Variants in A1CF observed in about 807,000 individuals in gnomAD.
A1CF encodes APOBEC-1 stimulating protein.
A1CF carries 48 observed loss-of-function variants against 68.9 expected under a neutral mutation model. That is an observed-to-expected ratio of 0.70 (90% CI 0.55 to 0.89). The LOEUF is 0.89. A1CF is among the 40% of genes least tolerant of loss of function. The pLI, the probability that A1CF is intolerant of heterozygous loss-of-function variation, is 0.00. For synonymous variants in A1CF, 272 were observed against 260.4 expected (o/e 1.04, Z -0.43); for missense variants, 653 against 718.9 (o/e 0.91, Z 1.05).
rs1385826584 is a variant in A1CF at position 50,810,032 on chromosome 10, T to C, written c.1471A>G (p.Thr491Ala). 6.2e-7 allele frequency: 1 copy of C among 1,613,724 alleles called. No homozygotes were observed. The highest frequency in any genetic ancestry group is 8.5e-7 in the Non-Finnish European group (1 of 1,179,790). Residue 491 changes from threonine (T) to alanine (A), a missense_variant, in exon 12 of 13, where the codon ACA (threonine) becomes GCA (alanine). Physicochemically the swap from Thr to Ala is moderately conservative, Grantham distance 58. Coordinates refer to ENST00000373997, the MANE Select transcript of A1CF (RefSeq NM_014576.4). ...ACAAAGGCACTCAGCTTTGGAGGTG[T>C]GAAAGGGTGGCTGGAAAGCAAGTCA... is the stretch of plus-strand genomic sequence containing the variant. ...ASQNPAIHPF[T>A]PPKLSAFVDE...
At chr10:50,861,672 ATAG>A (rs1480996466) in intron 2 of A1CF, among the ~76,000 whole-genome samples, 2 of 147,960 alleles carry the variant, frequency 1.4e-5, no homozygotes, top group African/African-American at 2.4e-5. Context: ...AGTATTACTA[ATAG>A]TAGTAATACC....
intron 7 of A1CF, chr10:50,824,587 A>C (rs548285260): frequency 1.3e-5 from 2 of 152,190 alleles, no homozygotes; most frequent in Admixed American, 1.3e-4. Context: ...ATTTTTCTGG[A>C]ATTTCTTAAA....
At chr10:50,819,568 A>T (rs1260256310) in intron 8 of A1CF, among the ~76,000 whole-genome samples, 1 of 152,020 alleles carries the variant, frequency 6.6e-6, no homozygotes, top group Non-Finnish European at 1.5e-5. Context: ...CCCCACTCGC[A>T]CTTTTGTAAT....
At chr10:50,809,188 C>T (rs935644968) in intron 12 of A1CF, among the ~76,000 whole-genome samples, 14 of 152,238 alleles carry the variant, frequency 9.2e-5, no homozygotes, top group Admixed American at 7.2e-4. Context: ...TGTTGATCCA[C>T]GGATAGGCTT....
intron 1 of A1CF, among the ~76,000 whole-genome samples, chr10:50,870,767 A>G (rs780547036): frequency 7.2e-5 from 11 of 151,850 alleles, no homozygotes; most frequent in Non-Finnish European, 1.5e-4. Context: ...AACTTCTGAA[A>G]TTATCTACAA....
chr10:50,850,643 A>C (rs1421293894), intron 3 of A1CF: 1 of 1,613,822 alleles, frequency 6.2e-7, no homozygotes, highest in Admixed American at 1.7e-5. Flanking sequence ...ATGCCAACTC[A>C]CTTCTAAGAC....
At chr10:50,841,818 T>C in intron 5 of A1CF, 44 bp downstream of exon 5, 1 of 1,605,108 alleles carries the variant, frequency 6.2e-7, no homozygotes, top group Non-Finnish European at 8.5e-7. Context: ...CAGACACAGG[T>C]GCATTGTTTG....
At chr10:50,870,964 A>G (rs961384238) in intron 1 of A1CF, among the ~76,000 whole-genome samples, 14 of 151,742 alleles carry the variant, frequency 9.2e-5, no homozygotes, top group African/African-American at 3.1e-4. Context: ...AATTCATTTC[A>G]CTGTTAAAAA....
chr10:50,850,629 T>A (rs1482664012), intron 3 of A1CF: 1 of 1,613,282 alleles, frequency 6.2e-7, no homozygotes, highest in Non-Finnish European at 8.5e-7. Context: ...AGAGAACGAG[T>A]AAAATGCCAA....
rs1307813535 is a variant in A1CF, at chr10:50,799,853, A to C, written c.*6876T>G. 6.6e-6 allele frequency: 1 copy of C among 152,154 alleles called. No individual in the cohort carries two copies. The highest frequency in any genetic ancestry group is 2.4e-5 in the African/African-American group (1 of 41,468). The allele number at this position is 152,154 out of a possible 1,614,324, so 9.4% of individuals were successfully genotyped here. On this transcript the variant is annotated 3_prime_UTR_variant, in exon 13 of 13. Transcript: ENST00000373997. The stretch of plus-strand genomic sequence containing the variant: ...AACAATATCGGGCTGTATTGCAGTC[A>C]GAAACATAGAAGAAAAGGAGAATTC...
chr10:50,846,484 G>T (rs1840005980), intron 3 of A1CF, among the ~76,000 whole-genome samples: 1 of 152,096 alleles, frequency 6.6e-6, no homozygotes, highest in African/African-American at 2.4e-5. Flanking sequence ...TTTGATGTCT[G>T]TAACATTCAA....
intron 1 of A1CF, among the ~76,000 whole-genome samples, chr10:50,875,464 G>A (rs1841467380): frequency 6.6e-6 from 1 of 152,180 alleles, no homozygotes; most frequent in Non-Finnish European, 1.5e-5. Flanking sequence ...CAGAGAGCAA[G>A]GAAATCTCTT....
chr10:50,831,841 C>T (rs1196737010), intron 6 of A1CF, among the ~76,000 whole-genome samples: 2 of 151,998 alleles, frequency 1.3e-5, no homozygotes, highest in Non-Finnish European at 2.9e-5. Context: ...AATCATCAGG[C>T]AAATATAAAT....
chr10:50,846,189 T>C (rs922356194), intron 3 of A1CF, among the ~76,000 whole-genome samples: 4 of 152,140 alleles, frequency 2.6e-5, no homozygotes, highest in Admixed American at 6.6e-5. Context: ...GTATACGAAA[T>C]CGTTAAAAGC....
At chr10:50,863,838 T>C (rs1840855220) in intron 2 of A1CF, among the ~76,000 whole-genome samples, 195 bp downstream of exon 2, 1 of 152,118 alleles carries the variant, frequency 6.6e-6, no homozygotes, top group African/African-American at 2.4e-5. Context: ...TTAACAATAA[T>C]TATATATTTT....
At chr10:50,871,206 A>C (rs1014740126) in intron 1 of A1CF, among the ~76,000 whole-genome samples, 1 of 151,890 alleles carries the variant, frequency 6.6e-6, no homozygotes, top group Non-Finnish European at 1.5e-5. Flanking sequence ...ATTGAAACTA[A>C]TGAAAGATTA....
chr10:50,824,026 G>A (rs1285157997), intron 7 of A1CF: 1 of 152,136 alleles, frequency 6.6e-6, no homozygotes, highest in African/African-American at 2.4e-5. Flanking sequence ...TAATGCAGCA[G>A]ATGTCTGCTA....
At chr10:50,808,646 C>T (rs1370358003) in intron 12 of A1CF, among the ~76,000 whole-genome samples, 1 of 152,118 alleles carries the variant, frequency 6.6e-6, no homozygotes. Flanking sequence ...TTGGTAACCT[C>T]CGAGGGACTC....
chr10:50,869,868 T>C (rs1211635617), intron 1 of A1CF, among the ~76,000 whole-genome samples: 1 of 151,988 alleles, frequency 6.6e-6, no homozygotes, highest in Non-Finnish European at 1.5e-5. Flanking sequence ...TTCTTCATTC[T>C]TGCTTATTTG....
Sources: allele counts gnomAD v4.1 joint callset (sites outside exome capture counted in the v4.1 genomes callset), GRCh38; gene constraint gnomAD v4.1.1; transcripts MANE v1.5; gene names NCBI Gene and HGNC (gene_info 2026-07-23, HGNC 2026-07-21).